Variants in TPD52 observed in about 807,000 individuals in gnomAD.
The protein encoded by TPD52 is tumor protein D52, also known as prostate and colon associated protein.
A neutral mutation model predicts 31.3 loss-of-function variants in TPD52; 17 were observed. The observed-to-expected ratio is 0.54, with a 90% CI of 0.37 to 0.82. The LOEUF is 0.82. Among genes scored for constraint, TPD52 ranks in the 40% least tolerant of loss-of-function variants. TPD52 has a pLI of 0.00. For missense variants in TPD52, 212 were observed against 240.1 expected (o/e 0.88, Z 0.77); for synonymous variants, 83 against 89.6 (o/e 0.93, Z 0.42).
chr8:80,108,105 T>C (rs1471562809), intron 1 of TPD52, among the ~76,000 whole-genome samples: 1 of 152,200 alleles, frequency 6.6e-6, no homozygotes, highest in Non-Finnish European at 1.5e-5. Context: ...GACCTGTCTT[T>C]AGGCAGACAA....
intron 5 of TPD52, among the ~76,000 whole-genome samples, chr8:80,049,880 T>C (rs1209424270): frequency 2.0e-5 from 3 of 151,994 alleles, no homozygotes; most frequent in Non-Finnish European, 4.4e-5. Flanking sequence ...AAGAATAAAA[T>C]CATAAAAACT....
rs1810518068 is a variant in TPD52, at chr8:80,042,891, C to T, written c.456-223G>A. 116 of 417,370 alleles carry T rather than the reference C, an allele frequency of 2.8e-4. 1 individual carries two copies. 25.9% of individuals were successfully genotyped at this position (417,370 alleles called of 1,614,324 possible). A position where few individuals can be genotyped will look rare whatever the true frequency, so the allele number is the denominator to read the frequency against. ...TATGCATTTGATTCCATGAACAGGG[C>T]CAGTCTCAGACATAAGTAATATAGA... On this transcript the variant is annotated intron_variant, in intron 6 of 7. Transcript: ENST00000518937.
At chr8:80,164,381 G>A (rs1389658361) in intron 1 of TPD52, among the ~76,000 whole-genome samples, 1 of 152,204 alleles carries the variant, frequency 6.6e-6, no homozygotes, top group Non-Finnish European at 1.5e-5. Flanking sequence ...AATAGAGGAA[G>A]AAGCCATTAG....
chr8:80,069,702 A>G (rs1166916823), intron 1 of TPD52, among the ~76,000 whole-genome samples: 2 of 152,188 alleles, frequency 1.3e-5, no homozygotes, highest in Non-Finnish European at 2.9e-5. Context: ...AACTATTAGC[A>G]TATTTTATAC....
At chr8:80,054,297 G>A (rs1180832656) in intron 2 of TPD52, among the ~76,000 whole-genome samples, 3 of 152,116 alleles carry the variant, frequency 2.0e-5, no homozygotes, top group African/African-American at 7.2e-5. Flanking sequence ...ATATGCTTGA[G>A]GAATCTAAAA....
At chr8:80,070,489 G>T (rs1207664223) in intron 1 of TPD52, among the ~76,000 whole-genome samples, 2 of 152,090 alleles carry the variant, frequency 1.3e-5, no homozygotes, top group Non-Finnish European at 2.9e-5. Flanking sequence ...AGATCATCAG[G>T]CATTAGATTC....
intron 1 of TPD52, among the ~76,000 whole-genome samples, chr8:80,074,870 T>C (rs1010017460): frequency 3.3e-5 from 5 of 152,180 alleles, no homozygotes; most frequent in African/African-American, 9.7e-5. Flanking sequence ...AGTTGGGTAA[T>C]TGTAGTCAAG....
At position 80,069,887 on chromosome 8, in the gene TPD52, C is replaced by T. The variant is rs190173955; in HGVS notation, c.20-5294G>A. On this transcript the variant is annotated intron_variant, in intron 1 of 7. Coordinates refer to ENST00000518937, the MANE Select transcript of TPD52 (RefSeq NM_001025253.3). ...AAAGGCAGAGCAGAGTGGCCAAGAA[C>T]CGGTAAGAGCTTAGTCCTGAACACA... is the stretch of plus-strand genomic sequence containing the variant. 1.8e-3 allele frequency among the ~76,000 whole-genome samples: 281 copies of T among 152,182 alleles called. 1 individual carries two copies. Among genetic ancestry groups the T allele is most frequent in the Non-Finnish European group, 2.8e-3 (188 of 68,006 alleles).
intron 1 of TPD52, among the ~76,000 whole-genome samples, chr8:80,091,767 C>G (rs1331432031): frequency 6.6e-6 from 1 of 152,128 alleles, no homozygotes; most frequent in Non-Finnish European, 1.5e-5. Flanking sequence ...CCAGAGCCAC[C>G]AGGGGAGCCT....
intron 1 of TPD52, among the ~76,000 whole-genome samples, chr8:80,114,118 A>T (rs979449557): frequency 6.6e-6 from 1 of 152,226 alleles, no homozygotes; most frequent in East Asian, 1.9e-4. Context: ...GGCAGTATAT[A>T]CCTGTAGCTG....
intron 1 of TPD52, among the ~76,000 whole-genome samples, chr8:80,099,322 A>AT (rs1806557247): frequency 6.6e-6 from 1 of 152,192 alleles, no homozygotes; most frequent in South Asian, 2.1e-4. Flanking sequence ...AAAGTAGACA[A>AT]TCGCCTGACC....
At chr8:80,047,367 CT>C (rs1303506721) in intron 5 of TPD52, among the ~76,000 whole-genome samples, 1 of 152,162 alleles carries the variant, frequency 6.6e-6, no homozygotes, top group Non-Finnish European at 1.5e-5. Flanking sequence ...ATAACACATG[CT>C]TTAATTGAAA....
rs868430120 is a variant in TPD52 at position 80,163,619 on chromosome 8, T to A, written c.19+7806A>T. 5.3e-5 allele frequency among the ~76,000 whole-genome samples: 8 copies of A among 152,334 alleles called. 1 individual carries two copies. The Middle Eastern group carries it at 0.024, about 453-fold the overall frequency. ...GATTAAGATGGTAAATTTTGTTATG[T>A]ATTTTTTTACCATGAGAAAAAGAGG... On this transcript the variant is annotated intron_variant, in intron 1 of 7. Coordinates refer to ENST00000518937, the MANE Select transcript of TPD52 (RefSeq NM_001025253.3).
intron 5 of TPD52, among the ~76,000 whole-genome samples, chr8:80,046,143 G>C (rs776779927): frequency 2.6e-5 from 4 of 151,994 alleles, no homozygotes; most frequent in Admixed American, 2.6e-4. Context: ...ATGTTTCAGT[G>C]GTAATATATA....
chr8:80,171,190 C>T (rs1176221771), intron 1 of TPD52: 4 of 701,246 alleles, frequency 5.7e-6, no homozygotes, highest in African/African-American at 3.5e-5. Context: ...CCCTCTCCCC[C>T]ACACACGCAC....
chr8:80,087,816 TGA>T (rs1815934023), intron 1 of TPD52, among the ~76,000 whole-genome samples: 1 of 152,126 alleles, frequency 6.6e-6, no homozygotes, highest in Non-Finnish European at 1.5e-5. Flanking sequence ...GCAGAGAGGC[TGA>T]GAGGTTAATG....
chr8:80,148,458 T>C (rs1484251755), intron 1 of TPD52, among the ~76,000 whole-genome samples: 1 of 152,142 alleles, frequency 6.6e-6, no homozygotes, highest in Non-Finnish European at 1.5e-5. Flanking sequence ...CCACCACACC[T>C]GGCCCTAAAT....
intron 1 of TPD52, among the ~76,000 whole-genome samples, chr8:80,149,697 G>C (rs1015694820): frequency 1.3e-5 from 2 of 152,292 alleles, no homozygotes; most frequent in Non-Finnish European, 2.9e-5. Flanking sequence ...TGAGGAACTT[G>C]GGAACTGGAG....
chr8:80,109,794 G>A (rs1807382244), intron 1 of TPD52, among the ~76,000 whole-genome samples: 3 of 152,260 alleles, frequency 2.0e-5, no homozygotes, highest in Admixed American at 2.0e-4. Context: ...TTAGACTGCA[G>A]CCCTATTAAC....
Sources: gnomAD v4.1 joint callset for allele counts (sites outside exome capture counted in the v4.1 genomes callset) on GRCh38, gnomAD v4.1.1 for gene constraint, MANE v1.5 for transcripts, NCBI Gene and HGNC (gene_info 2026-07-23, HGNC 2026-07-21) for gene names.